Variants in MAP3K12 observed in about 807,000 individuals in gnomAD.
MAP3K12 encodes the protein mitogen-activated protein kinase kinase kinase 12.
Under a neutral mutation model 87.5 loss-of-function variants are expected in MAP3K12, and 14 were observed. The ratio of observed to expected loss-of-function variants is 0.16; its 90% CI spans 0.11 to 0.25. The LOEUF is 0.25. Ranked by LOEUF, MAP3K12 falls within the 10% of genes least tolerant of loss-of-function variation. The pLI, the probability that MAP3K12 is intolerant of heterozygous loss-of-function variation, is 1.00. For synonymous variants in MAP3K12, 469 were observed against 452.5 expected (o/e 1.04, Z -0.46); for missense variants, 802 against 1,140.4 (o/e 0.70, Z 4.27).
chr12:53,481,752 C>T (rs550673349), intron 13 of MAP3K12, 189 bp downstream of exon 13: 3 of 652,222 alleles, frequency 4.6e-6, no homozygotes, highest in Non-Finnish European at 7.6e-6. Flanking sequence ...TAGCTACATG[C>T]AAGCTACTGG....
rs748669848 is a variant in MAP3K12, at chr12:53,482,303, G to C, written c.2305C>G (p.Gln769Glu). The C allele has an allele frequency of 1.2e-6, 2 of 1,614,118 alleles. No individual in the cohort carries two copies. The highest frequency in any genetic ancestry group is 1.7e-6 in the Non-Finnish European group (2 of 1,180,018). Residue 769 changes from glutamine (Q) to glutamate (E), a missense_variant, in exon 12 of 14, where the codon CAG (glutamine) becomes GAG (glutamate). Gln to Glu is a conservative substitution (Grantham distance 29). This residue lies in a region of MAP3K12 where 490 missense variants were observed against 496.6 expected (regional missense o/e 0.99). Coordinates refer to ENST00000547488, the MANE Select transcript of MAP3K12 (RefSeq NM_001193511.2). Reference sequence around the variant, plus strand: ...TCTTGTAATGCCATCACTTACCTCTGGCTTGATGTCAGCTCTACTTCACTG... The same window carrying C: ...TCTTGTAATGCCATCACTTACCTCTCGCTTGATGTCAGCTCTACTTCACTG... The part of the protein sequence containing the change: ...VDSEVELTSS[Q>E]RWPQSLNMRQ...
chr12:53,494,332 G>C (rs1177532562), intron 1 of MAP3K12, among the ~76,000 whole-genome samples: 3 of 152,238 alleles, frequency 2.0e-5, no homozygotes, highest in Non-Finnish European at 4.4e-5. Flanking sequence ...GCCTCACATT[G>C]GGTGAGGGGA....
chr12:53,485,865 G>A (rs2137193464), intron 4 of MAP3K12, 191 bp downstream of exon 4: 2 of 604,564 alleles, frequency 3.3e-6, no homozygotes, highest in South Asian at 4.3e-5. Context: ...CTGCCTTTCA[G>A]TTTAAAATCA....
At chr12:53,501,024 C>T (rs1943676719), upstream of MAP3K12, 1 of 248,336 alleles carries the variant, frequency 4.0e-6, no homozygotes, top group South Asian at 5.0e-5. Flanking sequence ...CGCCTCCCTA[C>T]CCAGCGGCTT....
At chr12:53,499,879 C>T (rs947192930), upstream of MAP3K12, 14 of 152,466 alleles carry the variant, frequency 9.2e-5, no homozygotes, top group African/African-American at 2.6e-4. Context: ...CAGGAACCCC[C>T]TATGACCCGT....
intron 13 of MAP3K12, 134 bp from the exon 14 acceptor site, chr12:53,481,414 A>G (rs1943038539): frequency 2.7e-6 from 1 of 372,564 alleles, no homozygotes; most frequent in Admixed American, 4.4e-5. Context: ...CAGTAGCACA[A>G]TCTCGGCTCA....
intron 1 of MAP3K12, among the ~76,000 whole-genome samples, chr12:53,490,517 G>A (rs1226727589): frequency 3.3e-5 from 5 of 152,044 alleles, no homozygotes; most frequent in African/African-American, 4.8e-5. Context: ...AGGCCGAGGC[G>A]GGCGGATCAC....
Position 53,480,740 on chromosome 12 carries a change from A to T in MAP3K12, c.*442T>A, listed in dbSNP as rs1252345968. 6.6e-6 allele frequency: 1 copy of T among 152,576 alleles called. No individual in the cohort carries two copies. Among genetic ancestry groups the T allele is most frequent in the Non-Finnish European group, 1.5e-5 (1 of 68,080 alleles). 9.5% of individuals were successfully genotyped at this position (152,576 alleles called of 1,614,324 possible). A position where few individuals can be genotyped will look rare whatever the true frequency, so the allele number is the denominator to read the frequency against. On this transcript the variant is annotated 3_prime_UTR_variant, in exon 14 of 14. Transcript: ENST00000547488. ...CACCTGAGAAACCTCAGAGGGGAGG[A>T]CCCAGCCTTAGCCTCCCTCCTCCCA...
chr12:53,491,684 C>G (rs1034601560), intron 1 of MAP3K12, among the ~76,000 whole-genome samples: 1 of 151,788 alleles, frequency 6.6e-6, no homozygotes, highest in Non-Finnish European at 1.5e-5. Context: ...CCGCCCATCT[C>G]GGCCTCCCAA....
chr12:53,501,233 C>A, upstream of MAP3K12: 1 of 672,094 alleles, frequency 1.5e-6, no homozygotes, highest in Non-Finnish European at 2.5e-6. Flanking sequence ...GGATAGCTCC[C>A]CTCCAGATGG....
At position 53,486,800 on chromosome 12, in the gene MAP3K12, C is replaced by T; in HGVS notation, c.445+147G>A. Reference sequence around the variant, plus strand: ...AATGAATGGGTGGCCTTAAAAGAAGCTGGGAAGTTAGAGGCTGATGGATGG... The same window carrying T: ...AATGAATGGGTGGCCTTAAAAGAAGTTGGGAAGTTAGAGGCTGATGGATGG... On this transcript the variant is annotated intron_variant, in intron 2 of 13. Transcript: ENST00000547488. The surrounding 1 kb of genome is among the most constrained non-coding windows in gnomAD (Gnocchi z 4.9). 6.7e-7 allele frequency: 1 copy of T among 1,488,044 alleles called. No individual in the cohort carries two copies. The highest frequency in any genetic ancestry group is 8.9e-7 in the Non-Finnish European group (1 of 1,123,884). 92.2% of individuals were successfully genotyped at this position (1,488,044 alleles called of 1,614,324 possible).
rs1353528541 is a variant in MAP3K12 at position 53,480,313 on chromosome 12, T to C, written c.*869A>G. 6.6e-6 allele frequency: 1 copy of C among 152,214 alleles called. No homozygotes were observed. The allele number at this position is 152,214 out of a possible 1,614,324, so 9.4% of individuals were successfully genotyped here. ...GTTAGAAGGATGTATCTGCTACCAT[T>C]TATTCCTATAATTTTAGAAAGTTGG... On this transcript the variant is annotated 3_prime_UTR_variant, in exon 14 of 14. Coordinates refer to ENST00000547488, the MANE Select transcript of MAP3K12 (RefSeq NM_001193511.2).
chr12:53,484,950 C>G (rs531422701), intron 6 of MAP3K12, 106 bp downstream of exon 6: 1 of 1,410,492 alleles, frequency 7.1e-7, no homozygotes, highest in Non-Finnish European at 9.8e-7. Context: ...GAAAGTCAGT[C>G]TCTTTGAATT....
Position 53,482,035 on chromosome 12 carries a change from G to T in MAP3K12, c.2486C>A (p.Ser829Ter). ...ERSDDMCSQG[S>*]EIPLDPPPSE... ...AGGAGGTGGGTCCAGTGGGATTTCT[G>T]AGCCCTGGGAGCACATGTCATCAGA... The change falls in exon 13 of 14, where the codon TCA (serine) becomes TAA (stop). Residue 829 changes from serine to a stop codon, truncating the protein, a stop_gained. Transcript: ENST00000547488. LOFTEE classifies it high-confidence loss of function. 6.2e-7 allele frequency: 1 copy of T among 1,614,168 alleles called. No homozygotes were observed. Among genetic ancestry groups the T allele is most frequent in the South Asian group, 1.1e-5 (1 of 91,086 alleles).
intron 9 of MAP3K12, 27 bp downstream of exon 9, chr12:53,483,580 T>C (rs1305866122): frequency 6.2e-7 from 1 of 1,613,754 alleles, no homozygotes; most frequent in Admixed American, 1.7e-5. Flanking sequence ...GCTCCAGGGC[T>C]TGGTGCATAA....
At chr12:53,484,798 G>C (rs765642986) in intron 6 of MAP3K12, 6 of 538,140 alleles carry the variant, frequency 1.1e-5, no homozygotes, top group African/African-American at 3.8e-5. Context: ...CCTTGTACTT[G>C]TATGCACTCA....
upstream of MAP3K12, among the ~76,000 whole-genome samples, chr12:53,499,840 G>A (rs539893100): frequency 9.8e-5 from 15 of 152,332 alleles, no homozygotes; most frequent in African/African-American, 3.1e-4. Flanking sequence ...TCCTATGGAG[G>A]TCCCACCTCA....
chr12:53,491,425 T>C (rs1369065780), intron 1 of MAP3K12, among the ~76,000 whole-genome samples: 1 of 151,542 alleles, frequency 6.6e-6, no homozygotes, highest in Non-Finnish European at 1.5e-5. Context: ...TTTTACAGAC[T>C]AAGGCATAGA....
Position 53,486,241 on chromosome 12 carries a change from C to T in MAP3K12, c.636G>A (p.Val212=), listed in dbSNP as rs146630791. 5 of 1,604,234 alleles carry T rather than the reference C, an allele frequency of 3.1e-6. No individual in the cohort carries two copies. The change falls in exon 4 of 14, where the codon GTG becomes GTA. Residue 212 remains valine, a synonymous_variant. Transcript: ENST00000547488. This position sits in a 1 kb window ranked among gnomAD's most constrained non-coding sequence, Gnocchi z 4.9. ...KHPNIITFKG[V]CTQAPCYCIL... is the part of the protein sequence containing the mutation. ...TGCAGTAGCAGGGAGCCTGGGTGCA[C>T]ACACCCCTGGGAGCCAAACAATGGT...
Sources: allele counts gnomAD v4.1 joint callset (sites outside exome capture counted in the v4.1 genomes callset), GRCh38; gene constraint gnomAD v4.1.1; regional missense constraint gnomAD v4.1.1; non-coding constraint Gnocchi (gnomAD v3.1); transcripts MANE v1.5; gene names NCBI Gene and HGNC (gene_info 2026-07-23, HGNC 2026-07-21).